The following AGAP1 variants were observed in gnomAD, a reference collection of about 807,000 sequenced individuals.
The protein encoded by AGAP1 is arf-GAP with GTPase, ANK repeat and PH domain-containing protein 1.
AGAP1 carries 29 observed loss-of-function variants against 105.3 expected under a neutral mutation model. That is an observed-to-expected ratio of 0.28 (90% CI 0.21 to 0.38). The LOEUF (loss-of-function observed/expected upper bound fraction) is 0.38. Ranked by LOEUF, AGAP1 falls within the 10% of genes least tolerant of loss-of-function variation. AGAP1 has a pLI of 1.00. For missense variants in AGAP1, 998 were observed against 1,165.1 expected, an observed-to-expected ratio of 0.86 and a Z score of 2.09; for synonymous variants, 509 against 485.9, an observed-to-expected ratio of 1.05 and a Z score of -0.63.
intron 1 of AGAP1, among the ~76,000 whole-genome samples, chr2:235,575,507 G>A (rs1324870379): frequency 6.6e-6 from 1 of 152,204 alleles, no homozygotes; most frequent in African/African-American, 2.4e-5. Flanking sequence ...CTCCTTTAAG[G>A]ACCAGTGTGA....
intron 1 of AGAP1, among the ~76,000 whole-genome samples, chr2:235,585,132 G>A (rs1374528394): frequency 1.3e-5 from 2 of 151,952 alleles, no homozygotes; most frequent in Non-Finnish European, 2.9e-5. Flanking sequence ...TATCGCTGTT[G>A]TAACAAATTA....
chr2:235,698,213 C>T lies in AGAP1; in HGVS notation c.164-10966C>T, dbSNP rs149826287. Among the ~76,000 whole-genome samples, 79 of 152,126 alleles carry T rather than the reference C, an allele frequency of 5.2e-4. No homozygotes were observed. In the East Asian group the frequency reaches 0.014, roughly 26 times the overall value. ...ATGCCGCCGCTGATATGACAGGAGGCGGGGCTCAGGAGGTGGTGTGAGCTT... is the reference window on the plus strand; with the variant it reads ...ATGCCGCCGCTGATATGACAGGAGGTGGGGCTCAGGAGGTGGTGTGAGCTT... On this transcript the variant is annotated intron_variant, in intron 1 of 17. Transcript: ENST00000304032.
intron 1 of AGAP1, among the ~76,000 whole-genome samples, chr2:235,529,990 T>C (rs1942987125): frequency 6.6e-6 from 1 of 152,098 alleles, no homozygotes; most frequent in African/African-American, 2.4e-5. Context: ...TTCTGTATGG[T>C]TTTGGGGTCA....
intron 16 of AGAP1, among the ~76,000 whole-genome samples, chr2:236,093,137 G>T (rs894654485): frequency 6.6e-6 from 1 of 152,168 alleles, no homozygotes; most frequent in Non-Finnish European, 1.5e-5. Context: ...TCTCTATCCC[G>T]CAACCAAAAA....
In AGAP1 at chr2:235,535,895, G is replaced by A. The variant is rs1574791461; in HGVS notation, c.163+41046G>A. 2.0e-5 allele frequency among the ~76,000 whole-genome samples: 3 copies of A among 151,906 alleles called. No individual in the cohort carries two copies. The highest frequency in any genetic ancestry group is 7.3e-5 in the African/African-American group (3 of 41,334). On this transcript the variant is annotated intron_variant, in intron 1 of 17. Coordinates refer to ENST00000304032, the MANE Select transcript of AGAP1 (RefSeq NM_001037131.3). This position sits in a 1 kb window ranked among gnomAD's most constrained non-coding sequence, Gnocchi z 5.1. ...TAGCCTGGCCTTTGAAGCTCTCCAG[G>A]CTCTGGCCACAGTGGCTTTCCTGCC...
intron 11 of AGAP1, among the ~76,000 whole-genome samples, chr2:235,928,913 T>C (rs1255885618): frequency 6.6e-6 from 1 of 152,202 alleles, no homozygotes; most frequent in Non-Finnish European, 1.5e-5. Flanking sequence ...CCCCGGCTGC[T>C]GTGAGGCCTG....
Position 236,002,706 on chromosome 2 carries a change from T to C in AGAP1, c.1646-33855T>C, listed in dbSNP as rs1282109346. The stretch of plus-strand genomic sequence containing the variant: ...GGGGACACAGAGATGGGCAGGACTG[T>C]GAGAGTCCCCCTGAAAAGCGAGATT... On this transcript the variant is annotated intron_variant, in intron 13 of 17. Coordinates refer to ENST00000304032, the MANE Select transcript of AGAP1 (RefSeq NM_001037131.3). The surrounding 1 kb of genome is among the most constrained non-coding windows in gnomAD (Gnocchi z 4.3). 6.6e-6 allele frequency among the ~76,000 whole-genome samples: 1 copy of C among 152,058 alleles called. No individual in the cohort carries two copies. The highest frequency in any genetic ancestry group is 2.4e-5 in the African/African-American group (1 of 41,392).
intron 1 of AGAP1, among the ~76,000 whole-genome samples, chr2:235,597,790 CCTTT>C (rs1945579066): frequency 1.8e-5 from 2 of 109,268 alleles, no homozygotes; most frequent in Non-Finnish European, 1.9e-5. Flanking sequence ...TCCCGTGTTT[CCTTT>C]GTGTGGAGCG....
rs2149342085 is a variant in AGAP1, at chr2:235,662,773, C to T, written c.164-46406C>T. ...TGGGGTTTTCTGGGCTCACACCCAG[C>T]CTGTGTCCCTCATCCCCTTGCTCCG... On this transcript the variant is annotated intron_variant, in intron 1 of 17. Transcript: ENST00000304032. The surrounding 1 kb of genome is among the most constrained non-coding windows in gnomAD (Gnocchi z 4.2). 6.6e-6 allele frequency among the ~76,000 whole-genome samples: 1 copy of T among 152,320 alleles called. No individual in the cohort carries two copies. The highest frequency in any genetic ancestry group is 3.4e-3 in the Middle Eastern group (1 of 294).
intron 1 of AGAP1, among the ~76,000 whole-genome samples, chr2:235,514,711 A>C (rs1942307567): frequency 6.6e-6 from 1 of 152,214 alleles, no homozygotes; most frequent in East Asian, 1.9e-4. Flanking sequence ...CTTTGCTGTG[A>C]CGTGGGCTGC....
In AGAP1 at chr2:235,556,337, T is replaced by G. The variant is rs1309334404; in HGVS notation, c.163+61488T>G. On this transcript the variant is annotated intron_variant, in intron 1 of 17. Coordinates refer to ENST00000304032, the MANE Select transcript of AGAP1 (RefSeq NM_001037131.3). The surrounding 1 kb of genome is among the most constrained non-coding windows in gnomAD (Gnocchi z 5.3). ...TGGCCTATACCTGCCTTCTGCATTC[T>G]GGGGCTACCCTTTGCTCCAGTGGCT... is the stretch of plus-strand genomic sequence containing the variant. Among the ~76,000 whole-genome samples, 3 of 152,248 alleles carry G rather than the reference T, an allele frequency of 2.0e-5. No homozygotes were observed. Among genetic ancestry groups the G allele is most frequent in the Non-Finnish European group, 2.9e-5 (2 of 68,044 alleles).
chr2:235,571,932 T>TTG (rs141898525), intron 1 of AGAP1, among the ~76,000 whole-genome samples: 1,081 of 103,642 alleles, frequency 0.01, 26 homozygotes, highest in Admixed American at 0.039. Context: ...TGCCCACACT[T>TTG]TGTGTGTGTG....
chr2:235,697,936 G>A (rs1482196522), intron 1 of AGAP1, among the ~76,000 whole-genome samples: 1 of 152,156 alleles, frequency 6.6e-6, no homozygotes, highest in Non-Finnish European at 1.5e-5. Flanking sequence ...AGTGGCTCTT[G>A]CATACTACCA....
chr2:236,028,756 G>A (rs2057132795), intron 13 of AGAP1, among the ~76,000 whole-genome samples: 1 of 152,102 alleles, frequency 6.6e-6, no homozygotes, highest in South Asian at 2.1e-4. Flanking sequence ...CAGTTACAGT[G>A]GGTGTCCTTG....
intron 9 of AGAP1, among the ~76,000 whole-genome samples, chr2:235,841,696 ACT>A (rs1284423541): frequency 6.6e-6 from 1 of 152,176 alleles, no homozygotes; most frequent in Non-Finnish European, 1.5e-5. Flanking sequence ...TTTGTCAAAC[ACT>A]TCGTACATGT....
chr2:235,706,785 G>C (rs1345360283), intron 1 of AGAP1, among the ~76,000 whole-genome samples: 2 of 152,218 alleles, frequency 1.3e-5, no homozygotes, highest in African/African-American at 4.8e-5. Flanking sequence ...CACTATTGGG[G>C]CCTGCATTTT....
chr2:235,803,060 G>T (rs201614816), intron 8 of AGAP1, among the ~76,000 whole-genome samples: 1 of 150,052 alleles, frequency 6.7e-6, no homozygotes, highest in Middle Eastern at 3.5e-3. Context: ...TGGTGATGGT[G>T]GTGATAGTTG....
rs1943179073 is a variant in AGAP1 at position 235,535,429 on chromosome 2, C to G, written c.163+40580C>G. ...ACTACTAAATGAAATTAGAACTTCA[C>G]TGCCCTTTTTCTTTTTCCCATCGAG... On this transcript the variant is annotated intron_variant, in intron 1 of 17. Coordinates refer to ENST00000304032, the MANE Select transcript of AGAP1 (RefSeq NM_001037131.3). This position sits in a 1 kb window ranked among gnomAD's most constrained non-coding sequence, Gnocchi z 5.1. Among the ~76,000 whole-genome samples the G allele has an allele frequency of 6.6e-6, 1 of 152,040 alleles. No homozygotes were observed. Among genetic ancestry groups the G allele is most frequent in the Admixed American group, 6.6e-5 (1 of 15,260 alleles).
At position 235,550,415 on chromosome 2, in the gene AGAP1, A is replaced by G. The variant is rs1183880877; in HGVS notation, c.163+55566A>G. Among the ~76,000 whole-genome samples, 1 of 152,194 alleles carries G rather than the reference A, an allele frequency of 6.6e-6. No individual in the cohort carries two copies. On this transcript the variant is annotated intron_variant, in intron 1 of 17. Transcript: ENST00000304032. The surrounding 1 kb of genome is among the most constrained non-coding windows in gnomAD (Gnocchi z 4.6). ...TGTTCGTCATTGGGAGTCACTGAGC[A>G]TGCACACGGGCTGTCAGGTCCTGGT...
Sources: allele counts gnomAD v4.1 joint callset (sites outside exome capture counted in the v4.1 genomes callset), GRCh38; gene constraint gnomAD v4.1.1; non-coding constraint Gnocchi (gnomAD v3.1); transcripts MANE v1.5; gene names NCBI Gene and HGNC (gene_info 2026-07-23, HGNC 2026-07-21).